The following NELL1 variants were observed in gnomAD, a reference collection of about 807,000 sequenced individuals.
The protein encoded by NELL1 is protein kinase C-binding protein NELL1.
In NELL1, 76 loss-of-function variants were observed where a neutral mutation model predicts 107.4. The ratio of observed to expected loss-of-function variants is 0.71; its 90% CI spans 0.59 to 0.86. NELL1 has a LOEUF of 0.86. Ranked by LOEUF, NELL1 falls within the 40% of genes least tolerant of loss-of-function variation. The pLI, the probability that NELL1 is intolerant of heterozygous loss-of-function variation, is 0.00. For synonymous variants in NELL1, 353 were observed against 341.2 expected (o/e 1.03, Z -0.38); for missense variants, 1,024 against 1,005.5 (o/e 1.02, Z -0.25).
chr11:21,020,551 G>A (rs973846932), intron 12 of NELL1, among the ~76,000 whole-genome samples: 1 of 151,922 alleles, frequency 6.6e-6, no homozygotes, highest in Admixed American at 6.6e-5. Context: ...TGACAAAGCA[G>A]ATCAGGAAAA....
intron 14 of NELL1, among the ~76,000 whole-genome samples, chr11:21,269,762 G>A (rs972248372): frequency 1.3e-5 from 2 of 152,006 alleles, no homozygotes; most frequent in Non-Finnish European, 2.9e-5. Flanking sequence ...ATCAGCGAAA[G>A]AATTAGCAAA....
chr11:21,374,491 A>C (rs1038449661), intron 15 of NELL1, among the ~76,000 whole-genome samples: 4 of 152,038 alleles, frequency 2.6e-5, no homozygotes, highest in Non-Finnish European at 5.9e-5. Flanking sequence ...GCAAGGAGGA[A>C]GCTGTAATGC....
chr11:20,912,632 T>C (rs1388365856), intron 5 of NELL1, among the ~76,000 whole-genome samples: 1 of 152,090 alleles, frequency 6.6e-6, no homozygotes. Context: ...TGTCTTTGTT[T>C]CTCTGTCTCT....
At position 21,439,435 on chromosome 11, in the gene NELL1, A is replaced by G. The variant is rs375224948; in HGVS notation, c.1645+68487A>G. On this transcript the variant is annotated intron_variant, in intron 15 of 19. Coordinates refer to ENST00000357134, the MANE Select transcript of NELL1 (RefSeq NM_006157.5). ...TCTTCTGATTATGCAGAAGCAGATT[A>G]ATCTCGGATCACTGACTGGAACAGT... 2.1e-3 allele frequency among the ~76,000 whole-genome samples: 324 copies of G among 152,308 alleles called. 14 individuals are homozygous for G. The South Asian group carries it at 0.066, about 31-fold the overall frequency.
chr11:21,074,907 A>T (rs1431068628), intron 12 of NELL1, among the ~76,000 whole-genome samples: 1 of 152,170 alleles, frequency 6.6e-6, no homozygotes, highest in Non-Finnish European at 1.5e-5. Flanking sequence ...TGAGGCTAAG[A>T]TGTAGAGAGA....
intron 2 of NELL1, among the ~76,000 whole-genome samples, chr11:20,731,705 A>G (rs1054171775): frequency 6.6e-6 from 1 of 152,204 alleles, no homozygotes; most frequent in Admixed American, 6.5e-5. Context: ...CAGTTTTCTT[A>G]TCTGTCAAGT....
At chr11:21,009,298 C>A (rs1363865101) in intron 12 of NELL1, among the ~76,000 whole-genome samples, 1 of 152,138 alleles carries the variant, frequency 6.6e-6, no homozygotes, top group Non-Finnish European at 1.5e-5. Context: ...TTCATTTATT[C>A]ATTCATCCAT....
chr11:21,345,310 A>G (rs1850660200), intron 14 of NELL1, among the ~76,000 whole-genome samples: 1 of 152,326 alleles, frequency 6.6e-6, no homozygotes, highest in South Asian at 2.1e-4. Flanking sequence ...GGGTTTAATG[A>G]GTTGCTCAAT....
chr11:21,240,113 A>G (rs1036497326), intron 14 of NELL1, among the ~76,000 whole-genome samples: 1 of 152,000 alleles, frequency 6.6e-6, no homozygotes, highest in Non-Finnish European at 1.5e-5. Flanking sequence ...TCATTCCTCT[A>G]CCATTCCCTC....
intron 2 of NELL1, among the ~76,000 whole-genome samples, chr11:20,700,567 G>T (rs970131979): frequency 7.9e-5 from 12 of 151,968 alleles, no homozygotes; most frequent in African/African-American, 2.9e-4. Flanking sequence ...ATGCAGGTTT[G>T]TTACATGTGT....
At chr11:21,304,569 T>G (rs76346507) in intron 14 of NELL1, among the ~76,000 whole-genome samples, 7 of 133,260 alleles carry the variant, frequency 5.3e-5, no homozygotes, top group Non-Finnish European at 1.1e-4. Flanking sequence ...CTTTTGTCTG[T>G]TTTTTTTTTT....
At chr11:20,807,704 C>G (rs890076062) in intron 3 of NELL1, among the ~76,000 whole-genome samples, 3 of 152,130 alleles carry the variant, frequency 2.0e-5, no homozygotes, top group Non-Finnish European at 4.4e-5. Flanking sequence ...AGTCAGAAAC[C>G]TTAGAAATCT....
intron 2 of NELL1, among the ~76,000 whole-genome samples, chr11:20,749,236 C>T (rs189237144): frequency 1.4e-4 from 21 of 151,980 alleles, no homozygotes; most frequent in South Asian, 4.2e-4. Context: ...CTATGGCGGG[C>T]GAGAAATTAC....
intron 2 of NELL1, among the ~76,000 whole-genome samples, chr11:20,704,765 G>A (rs955015072): frequency 2.0e-5 from 3 of 152,086 alleles, no homozygotes; most frequent in Non-Finnish European, 2.9e-5. Context: ...CACTTACGAA[G>A]CTTAGTTTGG....
intron 12 of NELL1, among the ~76,000 whole-genome samples, chr11:21,086,202 A>T (rs573734051): frequency 2.6e-5 from 4 of 152,308 alleles, no homozygotes; most frequent in Non-Finnish European, 5.9e-5. Context: ...CAGTAATTGG[A>T]GTGAATATTC....
intron 13 of NELL1, among the ~76,000 whole-genome samples, chr11:21,138,494 A>G (rs1403817775): frequency 2.0e-5 from 3 of 152,176 alleles, no homozygotes; most frequent in Non-Finnish European, 4.4e-5. Flanking sequence ...TTTGACCTAA[A>G]TATTGTTTTG....
At chr11:21,088,059 CTG>C (rs56900585) in intron 12 of NELL1, among the ~76,000 whole-genome samples, 27,547 of 135,724 alleles carry the variant, frequency 0.2, 2,616 homozygotes, top group African/African-American at 0.23. Context: ...CCCAGTAGCT[CTG>C]TGTGTGTGTG....
At chr11:21,031,960 G>A (rs551514637) in intron 12 of NELL1, among the ~76,000 whole-genome samples, 22 of 151,748 alleles carry the variant, frequency 1.4e-4, no homozygotes, top group African/African-American at 5.1e-4. Flanking sequence ...TGAGAGAATC[G>A]CTTGAACCTG....
At chr11:21,022,831 A>G (rs1348135603) in intron 12 of NELL1, among the ~76,000 whole-genome samples, 5 of 152,282 alleles carry the variant, frequency 3.3e-5, no homozygotes, top group African/African-American at 1.2e-4. Context: ...GGCACCTGCC[A>G]TATATTAAGC....
Sources: gnomAD v4.1 joint callset for allele counts (sites outside exome capture counted in the v4.1 genomes callset) on GRCh38, gnomAD v4.1.1 for gene constraint, MANE v1.5 for transcripts, NCBI Gene and HGNC (gene_info 2026-07-23, HGNC 2026-07-21) for gene names.